KDM4C: variants seen among roughly 807,000 people sequenced by gnomAD.
KDM4C encodes lysine demethylase 4C.
A neutral mutation model predicts 129.3 loss-of-function variants in KDM4C; 81 were observed. The ratio of observed to expected loss-of-function variants is 0.63; its 90% CI spans 0.52 to 0.75. The LOEUF (loss-of-function observed/expected upper bound fraction) is 0.75, where lower values mean the gene tolerates loss of function less well. KDM4C is among the 30% of genes least tolerant of loss of function. The pLI, the probability that KDM4C is intolerant of heterozygous loss-of-function variation, is 0.00. For missense variants in KDM4C, 1,457 were observed against 1,304.0 expected, an observed-to-expected ratio of 1.12 and a Z score of -1.81; for synonymous variants, 573 against 456.1, an observed-to-expected ratio of 1.26 and a Z score of -3.26.
intron 8 of KDM4C, among the ~76,000 whole-genome samples, chr9:6,964,781 C>CAA (rs369795659): frequency 0.021 from 1,138 of 53,794 alleles, 66 homozygotes; most frequent in African/African-American, 0.065. Context: ...GACTCCGTCT[C>CAA]AAAAAAAAAA....
At chr9:7,084,718 G>T (rs969497077) in intron 17 of KDM4C, among the ~76,000 whole-genome samples, 1 of 152,148 alleles carries the variant, frequency 6.6e-6, no homozygotes, top group African/African-American at 2.4e-5. Context: ...TCAATGAATG[G>T]AACATGTAAT....
intron 16 of KDM4C, among the ~76,000 whole-genome samples, chr9:7,047,905 C>T (rs2132539339): frequency 6.6e-6 from 1 of 152,084 alleles, no homozygotes; most frequent in Non-Finnish European, 1.5e-5. Context: ...GGAGTTAGGA[C>T]TCCTGGTGTA....
intron 17 of KDM4C, among the ~76,000 whole-genome samples, chr9:7,098,975 C>G (rs1047384038): frequency 4.7e-5 from 3 of 63,476 alleles, no homozygotes; most frequent in African/African-American, 1.1e-4. Flanking sequence ...CCTCGATCCT[C>G]TGACTTGCCT....
chr9:6,893,969 G>A (rs962275900), intron 8 of KDM4C, among the ~76,000 whole-genome samples: 2 of 152,178 alleles, frequency 1.3e-5, no homozygotes, highest in African/African-American at 4.8e-5. Context: ...GGCTGGCAGA[G>A]GGCAGCTTCT....
At chr9:6,777,370 A>C (rs1416380528) in intron 1 of KDM4C, among the ~76,000 whole-genome samples, 1 of 152,140 alleles carries the variant, frequency 6.6e-6, no homozygotes, top group African/African-American at 2.4e-5. Flanking sequence ...CTTGATGTTC[A>C]TGTTAAGTAC....
intron 8 of KDM4C, among the ~76,000 whole-genome samples, chr9:6,955,953 GCCACCT>G (rs1828991255): frequency 6.6e-6 from 1 of 152,180 alleles, no homozygotes; most frequent in African/African-American, 2.4e-5. Context: ...ACAGAACTGT[GCCACCT>G]CTGCCTCTGC....
intron 4 of KDM4C, among the ~76,000 whole-genome samples, chr9:6,826,316 T>G (rs182128977): frequency 3.3e-5 from 5 of 152,210 alleles, no homozygotes; most frequent in African/African-American, 9.6e-5. Flanking sequence ...TTTGTTAATA[T>G]AAACATTACA....
At chr9:7,037,234 G>A (rs1487224975) in intron 15 of KDM4C, among the ~76,000 whole-genome samples, 1 of 152,164 alleles carries the variant, frequency 6.6e-6, no homozygotes, top group African/African-American at 2.4e-5. Flanking sequence ...GTTTGTGGGG[G>A]TACTTCAATC....
intron 4 of KDM4C, among the ~76,000 whole-genome samples, chr9:6,828,369 A>G (rs772796453): frequency 6.6e-6 from 1 of 151,800 alleles, no homozygotes; most frequent in Non-Finnish European, 1.5e-5. Flanking sequence ...GGCTGGTCTC[A>G]ATCTCCTGAC....
intron 17 of KDM4C, among the ~76,000 whole-genome samples, chr9:7,086,710 C>T (rs1230491071): frequency 1.3e-5 from 2 of 152,350 alleles, no homozygotes; most frequent in East Asian, 1.9e-4. Context: ...ATGGACTATG[C>T]ATGCAGGATC....
chr9:7,126,640 A>C (rs1840052140), intron 18 of KDM4C, among the ~76,000 whole-genome samples: 1 of 152,208 alleles, frequency 6.6e-6, no homozygotes, highest in East Asian at 1.9e-4. Context: ...ATATGTGCAC[A>C]TGTTAAATGC....
chr9:6,919,721 G>T (rs530703066), intron 8 of KDM4C, among the ~76,000 whole-genome samples: 1 of 151,642 alleles, frequency 6.6e-6, no homozygotes, highest in African/African-American at 2.4e-5. Flanking sequence ...GACTACAGGC[G>T]TGCACCACCA....
At chr9:6,763,348 CCATCT>C (rs1402648047) in intron 1 of KDM4C, among the ~76,000 whole-genome samples, 1 of 152,114 alleles carries the variant, frequency 6.6e-6, no homozygotes, top group East Asian at 1.9e-4. Context: ...TTGATTGATT[CCATCT>C]CATTCTTCAG....
At chr9:6,822,076 ACT>A (rs1833130550) in intron 4 of KDM4C, among the ~76,000 whole-genome samples, 1 of 152,142 alleles carries the variant, frequency 6.6e-6, no homozygotes, top group African/African-American at 2.4e-5. Flanking sequence ...AAAAACCAAG[ACT>A]CTCAAAGGCA....
chr9:7,097,054 C>T (rs532138172), intron 17 of KDM4C, among the ~76,000 whole-genome samples: 93 of 152,292 alleles, frequency 6.1e-4, no homozygotes, highest in African/African-American at 2.2e-3. Context: ...TTACTTCCAT[C>T]TAGAATGTTT....
At chr9:7,155,583 C>T (rs1237685431) in intron 19 of KDM4C, among the ~76,000 whole-genome samples, 3 of 152,102 alleles carry the variant, frequency 2.0e-5, no homozygotes, top group African/African-American at 7.2e-5. Context: ...GTTCAGTTCC[C>T]ACCTATGAGT....
intron 18 of KDM4C, among the ~76,000 whole-genome samples, chr9:7,104,705 A>G (rs1413707252): frequency 6.6e-6 from 1 of 152,182 alleles, no homozygotes; most frequent in East Asian, 1.9e-4. Context: ...CATTGTCTAG[A>G]TGCTCAGCTC....
At chr9:7,036,548 T>G (rs1374750367) in intron 15 of KDM4C, among the ~76,000 whole-genome samples, 1 of 152,234 alleles carries the variant, frequency 6.6e-6, no homozygotes, top group Non-Finnish European at 1.5e-5. Flanking sequence ...CATGATTTTC[T>G]GTTCTTCTGT....
chr9:6,902,936 T>C (rs116039284), intron 8 of KDM4C, among the ~76,000 whole-genome samples: 1,832 of 152,292 alleles, frequency 0.012, 30 homozygotes, highest in African/African-American at 0.042. Context: ...TGCTTATATC[T>C]TCAGAAACAC....
Sources: allele counts gnomAD v4.1 joint callset (sites outside exome capture counted in the v4.1 genomes callset), GRCh38; gene constraint gnomAD v4.1.1; transcripts MANE v1.5; gene names NCBI Gene and HGNC (gene_info 2026-07-23, HGNC 2026-07-21).